The following ZNF804B variants were observed in gnomAD, a reference collection of about 807,000 sequenced individuals.
ZNF804B encodes zinc finger protein 804B.
ZNF804B carries 80 observed loss-of-function variants against 101.4 expected under a neutral mutation model. The observed-to-expected ratio is 0.79, with a 90% CI of 0.66 to 0.95. ZNF804B has a LOEUF of 0.95. Among genes scored for constraint, ZNF804B ranks in the 40% least tolerant of loss-of-function variants. The pLI, the probability that ZNF804B is intolerant of heterozygous loss-of-function variation, is 0.00. For missense variants in ZNF804B, 1,673 were observed against 1,561.9 expected (o/e 1.07, Z -1.20); for synonymous variants, 622 against 558.8 (o/e 1.11, Z -1.59).
chr7:89,018,199 C>T (rs1253894177), intron 1 of ZNF804B, among the ~76,000 whole-genome samples: 2 of 151,886 alleles, frequency 1.3e-5, no homozygotes, highest in African/African-American at 2.4e-5. Context: ...CTTCTATATC[C>T]AGTTTGTTGA....
At chr7:89,175,501 T>C (rs549760149) in intron 1 of ZNF804B, among the ~76,000 whole-genome samples, 28 of 152,218 alleles carry the variant, frequency 1.8e-4, no homozygotes, top group African/African-American at 6.3e-4. Flanking sequence ...TGAAGCTAGG[T>C]AATGTGATTC....
chr7:88,877,267 C>G (rs1583992558), intron 1 of ZNF804B, among the ~76,000 whole-genome samples: 1 of 148,988 alleles, frequency 6.7e-6, no homozygotes, highest in Non-Finnish European at 1.5e-5. Context: ...TGTGTAGATA[C>G]TGACTGATAA....
intron 1 of ZNF804B, among the ~76,000 whole-genome samples, chr7:89,091,542 G>T (rs1377971677): frequency 6.6e-6 from 1 of 152,062 alleles, no homozygotes; most frequent in Non-Finnish European, 1.5e-5. Flanking sequence ...GTGCAAAAGG[G>T]AATGAAAGCA....
intron 1 of ZNF804B, among the ~76,000 whole-genome samples, chr7:88,973,254 C>T (rs1453785147): frequency 6.7e-6 from 1 of 150,154 alleles, no homozygotes; most frequent in East Asian, 2.0e-4. Context: ...AAGCTATTGT[C>T]TCTGGGGAGA....
chr7:89,061,951 C>T (rs76914128), intron 1 of ZNF804B, among the ~76,000 whole-genome samples: 7,078 of 152,058 alleles, frequency 0.047, 251 homozygotes, highest in Admixed American at 0.077. Context: ...ATCTTGGTTT[C>T]CTTCAAACAT....
intron 1 of ZNF804B, among the ~76,000 whole-genome samples, chr7:88,858,112 G>A (rs886344838): frequency 1.3e-4 from 20 of 151,858 alleles, no homozygotes; most frequent in South Asian, 2.1e-4. Flanking sequence ...TGAGAGCCAC[G>A]GCACCTGGCC....
At chr7:89,256,421 T>C (rs950698134) in intron 2 of ZNF804B, among the ~76,000 whole-genome samples, 1 of 152,014 alleles carries the variant, frequency 6.6e-6, no homozygotes, top group African/African-American at 2.4e-5. Context: ...GGTATGTGCC[T>C]GTGGTCCCAG....
chr7:89,250,250 G>T (rs181498083), intron 2 of ZNF804B, among the ~76,000 whole-genome samples: 1 of 151,654 alleles, frequency 6.6e-6, no homozygotes, highest in Non-Finnish European at 1.5e-5. Flanking sequence ...AATGACAAAC[G>T]TGATGTTACA....
At chr7:88,981,858 G>A (rs1027261342) in intron 1 of ZNF804B, among the ~76,000 whole-genome samples, 1 of 151,944 alleles carries the variant, frequency 6.6e-6, no homozygotes, top group African/African-American at 2.4e-5. Flanking sequence ...CTCCTGCTGG[G>A]GGATCAGGGA....
intron 1 of ZNF804B, among the ~76,000 whole-genome samples, chr7:89,103,989 A>C (rs1297078067): frequency 6.6e-6 from 1 of 151,968 alleles, no homozygotes; most frequent in Non-Finnish European, 1.5e-5. Flanking sequence ...TGAGATAACC[A>C]TATGGTTTTT....
At chr7:88,916,585 G>T (rs981093399) in intron 1 of ZNF804B, among the ~76,000 whole-genome samples, 6 of 152,020 alleles carry the variant, frequency 3.9e-5, no homozygotes, top group African/African-American at 1.4e-4. Flanking sequence ...AACATCATGG[G>T]TTGCTGATTA....
At chr7:88,893,043 A>T (rs1240983867) in intron 1 of ZNF804B, among the ~76,000 whole-genome samples, 1 of 151,988 alleles carries the variant, frequency 6.6e-6, no homozygotes, top group Non-Finnish European at 1.5e-5. Flanking sequence ...TGGGGTTTTA[A>T]TGTGGGTTTT....
At chr7:89,156,280 A>T (rs908208716) in intron 1 of ZNF804B, among the ~76,000 whole-genome samples, 7 of 151,600 alleles carry the variant, frequency 4.6e-5, no homozygotes, top group Non-Finnish European at 7.4e-5. Flanking sequence ...CACCTGGCAA[A>T]TTTTTTGTAT....
chr7:89,186,409 C>A (rs1202217542), intron 1 of ZNF804B, among the ~76,000 whole-genome samples: 3 of 151,876 alleles, frequency 2.0e-5, no homozygotes, highest in Non-Finnish European at 2.9e-5. Context: ...TAGAAAAAGT[C>A]TTTGCTTGTT....
chr7:89,050,689 A>G (rs909244477), intron 1 of ZNF804B, among the ~76,000 whole-genome samples: 4 of 152,264 alleles, frequency 2.6e-5, no homozygotes, highest in Non-Finnish European at 5.9e-5. Context: ...ACCTTCCAAG[A>G]AAATAGGAAA....
chr7:89,221,449 G>A (rs1789002206), intron 2 of ZNF804B, among the ~76,000 whole-genome samples: 2 of 149,480 alleles, frequency 1.3e-5, no homozygotes, highest in South Asian at 2.1e-4. Flanking sequence ...GAGGATCAAG[G>A]TGAGATGGCA....
chr7:88,786,950 G>A (rs1222250837), intron 1 of ZNF804B, among the ~76,000 whole-genome samples: 1 of 152,114 alleles, frequency 6.6e-6, no homozygotes, highest in African/African-American at 2.4e-5. Flanking sequence ...AGATGAGTGT[G>A]CACACAAACA....
intron 3 of ZNF804B, among the ~76,000 whole-genome samples, chr7:89,330,743 T>C (rs1275979004): frequency 6.6e-6 from 1 of 151,414 alleles, no homozygotes; most frequent in African/African-American, 2.4e-5. Context: ...AATCTGTAAT[T>C]ATAAATGCAG....
chr7:89,100,851 A>G (rs1333031314), intron 1 of ZNF804B, among the ~76,000 whole-genome samples: 1 of 152,008 alleles, frequency 6.6e-6, no homozygotes, highest in Non-Finnish European at 1.5e-5. Flanking sequence ...AAATACATAT[A>G]CCCACTATGT....
Sources: gnomAD v4.1 joint callset for allele counts (sites outside exome capture counted in the v4.1 genomes callset) on GRCh38, gnomAD v4.1.1 for gene constraint, MANE v1.5 for transcripts, NCBI Gene and HGNC (gene_info 2026-07-23, HGNC 2026-07-21) for gene names.